Variants in ATRN observed in about 807,000 individuals in gnomAD.
The protein encoded by ATRN is attractin-2.
In ATRN, 54 loss-of-function variants were observed where a neutral mutation model predicts 178.7. The ratio of observed to expected loss-of-function variants is 0.30; its 90% CI spans 0.24 to 0.38. The LOEUF (loss-of-function observed/expected upper bound fraction) is 0.38. Ranked by LOEUF, ATRN falls within the 10% of genes least tolerant of loss-of-function variation. ATRN has a pLI of 1.00. For missense variants in ATRN, 1,443 were observed against 1,815.1 expected, an observed-to-expected ratio of 0.79 and a Z score of 3.73; for synonymous variants, 636 against 663.0, an observed-to-expected ratio of 0.96 and a Z score of 0.63.
At chr20:3,471,614 A>G in intron 1 of ATRN, 97 bp downstream of exon 1, 1 of 1,338,500 alleles carries the variant, frequency 7.5e-7, no homozygotes, top group Non-Finnish European at 9.5e-7. Context: ...TGCTGGACAG[A>G]AAGTGGAGAG....
At chr20:3,607,186 G>T (rs1246112490) in intron 24 of ATRN, among the ~76,000 whole-genome samples, 2 of 152,096 alleles carry the variant, frequency 1.3e-5, no homozygotes, top group African/African-American at 4.8e-5. Flanking sequence ...AATGTATAAT[G>T]ATCAAATAAG....
At chr20:3,482,434 A>C (rs1399493443) in intron 1 of ATRN, among the ~76,000 whole-genome samples, 1 of 152,116 alleles carries the variant, frequency 6.6e-6, no homozygotes, top group Admixed American at 6.5e-5. Context: ...GCGTGTTTTG[A>C]TTCTGAATGA....
intron 25 of ATRN, among the ~76,000 whole-genome samples, chr20:3,626,087 C>T (rs1316393481): frequency 1.3e-5 from 2 of 152,004 alleles, no homozygotes; most frequent in Non-Finnish European, 2.9e-5. Flanking sequence ...CAAAAATTAG[C>T]TGGGTGAGGT....
chr20:3,564,475 G>GT (rs2086001935), intron 10 of ATRN, among the ~76,000 whole-genome samples: 1 of 152,188 alleles, frequency 6.6e-6, no homozygotes, highest in African/African-American at 2.4e-5. Context: ...GGCTCAAAGA[G>GT]TGAGACACTG....
intron 24 of ATRN, among the ~76,000 whole-genome samples, chr20:3,604,486 G>C (rs1177671585): frequency 6.6e-6 from 1 of 152,234 alleles, no homozygotes; most frequent in Admixed American, 6.5e-5. Flanking sequence ...ACTGTTGAAA[G>C]CAAGTTGGCA....
rs537293234 is a variant in ATRN, at chr20:3,620,945, C to A, written c.3802-3566C>A. ...GGACGGCTTTGAATGCAGCCCAACA[C>A]AATTCATAAACTTTCTTAAAACATG... is the stretch of plus-strand genomic sequence containing the variant. On this transcript the variant is annotated intron_variant, in intron 24 of 28. Coordinates refer to ENST00000262919, the MANE Select transcript of ATRN (RefSeq NM_139321.3). 1.6e-3 allele frequency among the ~76,000 whole-genome samples: 237 copies of A among 152,312 alleles called. 1 individual carries two copies. The highest frequency in any genetic ancestry group is 5.5e-3 in the African/African-American group (229 of 41,568).
At chr20:3,639,746 A>C (rs1428053818) in intron 27 of ATRN, among the ~76,000 whole-genome samples, 1 of 152,172 alleles carries the variant, frequency 6.6e-6, no homozygotes, top group African/African-American at 2.4e-5. Flanking sequence ...AATAAAACAT[A>C]CTTATTTAAA....
At chr20:3,546,948 C>T (rs1277469881) in intron 4 of ATRN, among the ~76,000 whole-genome samples, 2 of 152,144 alleles carry the variant, frequency 1.3e-5, no homozygotes, top group East Asian at 3.8e-4. Flanking sequence ...CATTAGGAGG[C>T]TACCAAGAAG....
At chr20:3,633,557 T>G (rs960493790) in intron 25 of ATRN, among the ~76,000 whole-genome samples, 4 of 152,358 alleles carry the variant, frequency 2.6e-5, no homozygotes, top group Admixed American at 2.6e-4. Flanking sequence ...TAGCCCCTTT[T>G]ACAAGTTAAT....
chr20:3,640,982 AT>A (rs2087063013), intron 27 of ATRN, among the ~76,000 whole-genome samples: 1 of 152,234 alleles, frequency 6.6e-6, no homozygotes. Flanking sequence ...CCTTGAAGAC[AT>A]ACTAAGTGAA....
At position 3,562,350 on chromosome 20, in the gene ATRN, G is replaced by A. The variant is rs149091209; in HGVS notation, c.1522G>A (p.Asp508Asn). 41 of 1,613,912 alleles carry A rather than the reference G, an allele frequency of 2.5e-5. No individual in the cohort carries two copies. Among genetic ancestry groups the A allele is most frequent in the Non-Finnish European group, 3.1e-5 (37 of 1,179,992 alleles). ...QGGYGHSSVY[D>N]HRTRALYVHG... ...GGGTTACGGCCATAGCAGTGTTTAC[G>A]ACCATAGGACCAGGGCCCTATACGT... The change falls in exon 9 of 29, where the codon GAC becomes AAC. Residue 508 changes from aspartate to asparagine, a missense_variant. Physicochemically the swap from Asp to Asn is conservative, Grantham distance 23 (BLOSUM62 1). Around this residue, in one of 4 missense-constraint regions of ATRN, gnomAD observed 862 missense variants for 972.1 expected, o/e 0.89. Coordinates refer to ENST00000262919, the MANE Select transcript of ATRN (RefSeq NM_139321.3).
At chr20:3,481,912 A>C (rs867581380) in intron 1 of ATRN, among the ~76,000 whole-genome samples, 1 of 145,568 alleles carries the variant, frequency 6.9e-6, no homozygotes, top group Middle Eastern at 3.8e-3. Flanking sequence ...TGATTGGTTT[A>C]CTAATAAGCC....
At chr20:3,480,678 C>T (rs138575320) in intron 1 of ATRN, among the ~76,000 whole-genome samples, 1 of 152,204 alleles carries the variant, frequency 6.6e-6, no homozygotes, top group Non-Finnish European at 1.5e-5. Flanking sequence ...ATAGACTTTA[C>T]CTCGATGAAA....
chr20:3,530,022 T>C (rs151531), intron 1 of ATRN, among the ~76,000 whole-genome samples: 34,466 of 151,430 alleles, frequency 0.23, 4,456 homozygotes, highest in African/African-American at 0.32. Context: ...TACAGGAAAA[T>C]AACCAAAAGA....
At chr20:3,622,672 A>G (rs192164479) in intron 24 of ATRN, among the ~76,000 whole-genome samples, 2 of 152,400 alleles carry the variant, frequency 1.3e-5, no homozygotes, top group Non-Finnish European at 2.9e-5. Flanking sequence ...CAGTGCTTTC[A>G]TAAACATTTT....
Position 3,638,739 on chromosome 20 carries a change from GA to G in ATRN, c.3943-88del, listed in dbSNP as rs1568777733. 9.5e-7 allele frequency: 1 copy of G among 1,056,202 alleles called. No homozygotes were observed. 65.4% of individuals were successfully genotyped at this position (1,056,202 alleles called of 1,614,324 possible). Reference sequence around the variant, plus strand: ...TTGGACTTGATTTGTTTGAATCAGGGAGGATGAGGTGTTTTTAACATGTAGC... The same window carrying G: ...TTGGACTTGATTTGTTTGAATCAGGGGGATGAGGTGTTTTTAACATGTAGC... On this transcript the variant is annotated intron_variant, in intron 26 of 28. Coordinates refer to ENST00000262919, the MANE Select transcript of ATRN (RefSeq NM_139321.3). This position sits in a 1 kb window ranked among gnomAD's most constrained non-coding sequence, Gnocchi z 4.5.
At chr20:3,580,059 A>G (rs2086261945) in intron 15 of ATRN, among the ~76,000 whole-genome samples, 1 of 152,174 alleles carries the variant, frequency 6.6e-6, no homozygotes. Flanking sequence ...TTGGTATTTC[A>G]TAATATTTTG....
intron 1 of ATRN, among the ~76,000 whole-genome samples, chr20:3,534,953 A>G (rs572466935): frequency 6.6e-6 from 1 of 152,298 alleles, no homozygotes; most frequent in Admixed American, 6.5e-5. Context: ...CAAAAGGAAA[A>G]AGGATGACAT....
chr20:3,622,775 G>A (rs2086906290), intron 24 of ATRN, among the ~76,000 whole-genome samples: 1 of 152,194 alleles, frequency 6.6e-6, no homozygotes, highest in Non-Finnish European at 1.5e-5. Context: ...AAAGTCTTGG[G>A]TACCAGCCAT....
Sources: gnomAD v4.1 joint callset for allele counts (sites outside exome capture counted in the v4.1 genomes callset) on GRCh38, gnomAD v4.1.1 for gene constraint, gnomAD v4.1.1 regional missense constraint, Gnocchi (gnomAD v3.1) non-coding constraint, MANE v1.5 for transcripts, NCBI Gene and HGNC (gene_info 2026-07-23, HGNC 2026-07-21) for gene names.